Variants in EEF2K observed in about 807,000 individuals in gnomAD.
EEF2K encodes alternative protein EEF2K.
Under a neutral mutation model 93.8 loss-of-function variants are expected in EEF2K, and 70 were observed. The observed-to-expected ratio is 0.75, with a 90% confidence interval of 0.62 to 0.91. The LOEUF (loss-of-function observed/expected upper bound fraction) is 0.91, where lower values mean the gene tolerates loss of function less well. Among genes scored for constraint, EEF2K ranks in the 40% least tolerant of loss-of-function variants. The pLI is 0.00. For synonymous variants in EEF2K, 376 were observed against 380.8 expected, an observed-to-expected ratio of 0.99 and a Z score of 0.15; for missense variants, 935 against 972.9, an observed-to-expected ratio of 0.96 and a Z score of 0.52.
At chr16:22,238,233 G>A (rs11648944) in intron 2 of EEF2K, among the ~76,000 whole-genome samples, 11,822 of 152,212 alleles carry the variant, frequency 0.078, 536 homozygotes, top group Middle Eastern at 0.12. Context: ...GTTGCAGTGA[G>A]CAGAGATGGC....
chr16:22,220,763 C>G (rs574320855), intron 1 of EEF2K, among the ~76,000 whole-genome samples: 1 of 151,444 alleles, frequency 6.6e-6, no homozygotes, highest in South Asian at 2.1e-4. Context: ...GAGCTTTTAA[C>G]CACCGAACTA....
chr16:22,264,762 G>C, intron 12 of EEF2K, 56 bp from the exon 13 acceptor site: 1 of 1,595,588 alleles, frequency 6.3e-7, no homozygotes, highest in Non-Finnish European at 8.6e-7. Context: ...TCTCAGGAGA[G>C]GTTCCTGGGA....
intron 2 of EEF2K, among the ~76,000 whole-genome samples, chr16:22,228,972 T>C (rs1446907071): frequency 6.6e-6 from 1 of 152,162 alleles, no homozygotes; most frequent in Admixed American, 6.6e-5. Flanking sequence ...TTTAACTTTA[T>C]TATTACTTAT....
chr16:22,257,682 G>A lies in EEF2K; in HGVS notation c.941G>A (p.Cys314Tyr). ...GMALFFYSHA[C>Y]NRICESMGLA... ...GCGCTCTTCTTCTACTCTCATGCCT[G>A]CAACCGGATTTGCGAGAGCATGGGC... Residue 314 changes from cysteine (C) to tyrosine (Y), a missense_variant, in exon 9 of 18, where the codon TGC (cysteine) becomes TAC (tyrosine). Cys to Tyr is a radical substitution (Grantham distance 194). Transcript: ENST00000263026. 6 of 1,613,902 alleles carry A rather than the reference G, an allele frequency of 3.7e-6. No individual in the cohort carries two copies. Among genetic ancestry groups the A allele is most frequent in the Non-Finnish European group, 4.2e-6 (5 of 1,180,042 alleles).
chr16:22,257,174 A>C lies in EEF2K; in HGVS notation c.769-79A>C. 4 of 1,587,940 alleles carry C rather than the reference A, an allele frequency of 2.5e-6. 1 individual carries two copies. In the Middle Eastern group the frequency reaches 7.0e-4, roughly 280 times the overall value. The stretch of plus-strand genomic sequence containing the variant: ...CTCCTTGAAGAGAAAGCCCCTCAGC[A>C]TGGGCAGAGGCGTGGCCAGTGCCTG... On this transcript the variant is annotated intron_variant, in intron 7 of 17. Coordinates refer to ENST00000263026, the MANE Select transcript of EEF2K (RefSeq NM_013302.5).
intron 2 of EEF2K, among the ~76,000 whole-genome samples, chr16:22,242,952 G>C (rs1446626114): frequency 6.6e-6 from 1 of 151,934 alleles, no homozygotes; most frequent in Non-Finnish European, 1.5e-5. Context: ...AACCAGGTAT[G>C]GTGGCTCAGC....
rs376155598 is a variant in EEF2K, at chr16:22,238,247, A to G, written c.247-6383A>G. On this transcript the variant is annotated intron_variant, in intron 2 of 17. Coordinates refer to ENST00000263026, the MANE Select transcript of EEF2K (RefSeq NM_013302.5). ...GGTTGCAGTGAGCAGAGATGGCGCC[A>G]CTGCACTCCAGCCTGGACGACAGAG... Among the ~76,000 whole-genome samples the G allele has an allele frequency of 2.7e-3, 417 of 152,294 alleles. 19 individuals carry two copies. In the South Asian group the frequency reaches 0.083, roughly 30 times the overall value.
intron 1 of EEF2K, among the ~76,000 whole-genome samples, chr16:22,224,613 G>A (rs2047044199): frequency 6.7e-6 from 1 of 150,188 alleles, no homozygotes; most frequent in Non-Finnish European, 1.5e-5. Flanking sequence ...CTCCAGCCTG[G>A]ATGACAGAGC....
chr16:22,275,829 CAG>C (rs2047629017), intron 16 of EEF2K, among the ~76,000 whole-genome samples: 1 of 151,972 alleles, frequency 6.6e-6, no homozygotes, highest in Non-Finnish European at 1.5e-5. Flanking sequence ...TTAATAGAGA[CAG>C]GGTTTCACCA....
intron 6 of EEF2K, among the ~76,000 whole-genome samples, 159 bp from the exon 7 acceptor site, chr16:22,256,589 T>C (rs2047401504): frequency 6.6e-6 from 1 of 152,132 alleles, no homozygotes; most frequent in Admixed American, 6.6e-5. Flanking sequence ...GGAGATTAGA[T>C]TCTGGGCATC....
At chr16:22,264,704 G>T in intron 12 of EEF2K, 114 bp from the exon 13 acceptor site, 1 of 1,152,430 alleles carries the variant, frequency 8.7e-7, no homozygotes, top group Non-Finnish European at 1.2e-6. Flanking sequence ...TGAGATAAGG[G>T]TCACCTAGGA....
intron 1 of EEF2K, among the ~76,000 whole-genome samples, chr16:22,217,366 T>C (rs1206391104): frequency 3.9e-5 from 6 of 151,994 alleles, no homozygotes; most frequent in Non-Finnish European, 8.8e-5. Flanking sequence ...CCCACCTATA[T>C]GATCATATAC....
chr16:22,214,648 G>A (rs1240096555), intron 1 of EEF2K, among the ~76,000 whole-genome samples: 1 of 151,996 alleles, frequency 6.6e-6, no homozygotes, highest in Non-Finnish European at 1.5e-5. Flanking sequence ...CTGGCCAACA[G>A]AGCCAGACTC....
rs748878888 is a variant in EEF2K, at chr16:22,285,650, T to A, written c.*1654T>A. 3.3e-5 allele frequency: 5 copies of A among 152,384 alleles called. No individual in the cohort carries two copies. Among genetic ancestry groups the A allele is most frequent in the Admixed American group, 6.6e-5 (1 of 15,248 alleles). The allele number at this position is 152,384 out of a possible 1,614,324, so 9.4% of individuals were successfully genotyped here. Reference sequence around the variant, plus strand: ...CCTGGGTAAACATGGCGAGACCCTGTCTCTACCAAAACAACAAAAAAAAGA... The same window carrying A: ...CCTGGGTAAACATGGCGAGACCCTGACTCTACCAAAACAACAAAAAAAAGA... On this transcript the variant is annotated 3_prime_UTR_variant, in exon 18 of 18. Coordinates refer to ENST00000263026, the MANE Select transcript of EEF2K (RefSeq NM_013302.5).
chr16:22,237,746 G>T (rs1014974712), intron 2 of EEF2K, among the ~76,000 whole-genome samples: 14 of 152,096 alleles, frequency 9.2e-5, no homozygotes, highest in African/African-American at 2.7e-4. Flanking sequence ...ATAAACTGAG[G>T]TCTCTTTGAG....
At chr16:22,260,648 A>C in intron 11 of EEF2K, 119 bp downstream of exon 11, 14 of 1,249,380 alleles carry the variant, frequency 1.1e-5, no homozygotes, top group Non-Finnish European at 1.5e-5. Flanking sequence ...CACTGCCAGG[A>C]GGGCACAGAA....
chr16:22,227,712 A>G (rs951717249), intron 2 of EEF2K, among the ~76,000 whole-genome samples: 3 of 152,188 alleles, frequency 2.0e-5, no homozygotes, highest in African/African-American at 7.2e-5. Flanking sequence ...CAGCAGAGAC[A>G]TTCAAGCGGA....
chr16:22,231,792 C>G (rs975097578), intron 2 of EEF2K, among the ~76,000 whole-genome samples: 1 of 151,620 alleles, frequency 6.6e-6, no homozygotes, highest in Admixed American at 6.6e-5. Flanking sequence ...GAGTTTGAGA[C>G]CAGCCTGACC....
At chr16:22,257,933 A>G (rs529477615) in intron 9 of EEF2K, among the ~76,000 whole-genome samples, 163 bp downstream of exon 9, 6 of 152,258 alleles carry the variant, frequency 3.9e-5, no homozygotes, top group Admixed American at 1.3e-4. Context: ...CGTCCCCTCC[A>G]GCTCAGTGCA....
Sources: gnomAD v4.1 joint callset for allele counts (sites outside exome capture counted in the v4.1 genomes callset) on GRCh38, gnomAD v4.1.1 for gene constraint, MANE v1.5 for transcripts, NCBI Gene and HGNC (gene_info 2026-07-23, HGNC 2026-07-21) for gene names.